The following SACM1L variants were observed in gnomAD, a reference collection of about 807,000 sequenced individuals.
SACM1L encodes the protein SAC1 like phosphatidylinositide phosphatase.
Under a neutral mutation model 89.5 loss-of-function variants are expected in SACM1L, and 32 were observed. The ratio of observed to expected loss-of-function variants is 0.36; its 90% confidence interval spans 0.27 to 0.48. The LOEUF is 0.48. Among genes scored for constraint, SACM1L ranks in the 20% least tolerant of loss-of-function variants. The probability of loss-of-function intolerance (pLI) is 0.99; values close to 1 mark genes in which losing one functional copy is unlikely to be tolerated. For missense variants in SACM1L, 543 were observed against 708.5 expected, an observed-to-expected ratio of 0.77 and a Z score of 2.65; for synonymous variants, 213 against 232.8, an observed-to-expected ratio of 0.92 and a Z score of 0.77.
chr3:45,710,257 G>T (rs1414316525), intron 5 of SACM1L, among the ~76,000 whole-genome samples: 1 of 150,874 alleles, frequency 6.6e-6, no homozygotes, highest in Non-Finnish European at 1.5e-5. Context: ...CTGTAGTGCA[G>T]TGGTGCGATC....
intron 19 of SACM1L, among the ~76,000 whole-genome samples, chr3:45,740,401 C>G (rs1001910062): frequency 6.6e-6 from 1 of 152,206 alleles, no homozygotes. Flanking sequence ...GATTTTGGGG[C>G]CCACAAGGAA....
intron 8 of SACM1L, among the ~76,000 whole-genome samples, chr3:45,720,111 G>T (rs1159697552): frequency 6.6e-6 from 1 of 151,948 alleles, no homozygotes; most frequent in African/African-American, 2.4e-5. Context: ...TCCAACCTTT[G>T]TATTTTTTTT....
Position 45,717,676 on chromosome 3 carries a change from AAAGT to A in SACM1L, c.578-1820_578-1817del, listed in dbSNP as rs577037455. On this transcript the variant is annotated intron_variant, in intron 7 of 19. Coordinates refer to ENST00000389061, the MANE Select transcript of SACM1L (RefSeq NM_014016.5). ...AACCTAAACAAATGTGGAAGGAGAA[AAAGT>A]AAGGCCATTGAAACAATAAAACCTT... Among the ~76,000 whole-genome samples, 630 of 152,374 alleles carry A rather than the reference AAAGT, an allele frequency of 4.1e-3. 3 individuals carry two copies. Among genetic ancestry groups the A allele is most frequent in the African/African-American group, 0.014 (576 of 41,592 alleles).
chr3:45,713,278 C>A, intron 6 of SACM1L, 82 bp downstream of exon 6: 2 of 1,067,184 alleles, frequency 1.9e-6, no homozygotes, highest in Non-Finnish European at 2.8e-6. Flanking sequence ...ACTTCCTAAT[C>A]ACCAAGAATT....
chr3:45,727,107 G>A (rs555948643), intron 11 of SACM1L, among the ~76,000 whole-genome samples: 2 of 23,472 alleles, frequency 8.5e-5, no homozygotes, highest in East Asian at 9.3e-4. Flanking sequence ...GGATGGTCTC[G>A]ATCTCCTGAC....
intron 7 of SACM1L, among the ~76,000 whole-genome samples, chr3:45,718,919 A>G (rs1045619197): frequency 4.4e-4 from 67 of 152,220 alleles, no homozygotes; most frequent in African/African-American, 1.6e-3. Flanking sequence ...TTTTGGGGAG[A>G]TACAGTCTTT....
At chr3:45,743,398 A>G in intron 19 of SACM1L, 135 bp from the exon 20 acceptor site, 1 of 883,692 alleles carries the variant, frequency 1.1e-6, no homozygotes, top group Non-Finnish European at 1.7e-6. Context: ...TTTAAACCTT[A>G]ATTAAGAGGT....
In SACM1L at chr3:45,710,301, A is replaced by G. The variant is rs1031873403; in HGVS notation, c.483+654A>G. Among the ~76,000 whole-genome samples, 6 of 151,846 alleles carry G rather than the reference A, an allele frequency of 4.0e-5. No homozygotes were observed. The South Asian group carries it at 8.3e-4, about 21-fold the overall frequency. ...CTGCAACCTCTGCCTCCTGGGTTCA[A>G]GCAATTCTCATGTCTCAGCCTTGTA... On this transcript the variant is annotated intron_variant, in intron 5 of 19. Transcript: ENST00000389061.
Position 45,731,317 on chromosome 3 carries a change from C to G in SACM1L, c.938C>G (p.Ser313Trp), listed in dbSNP as rs1489201353. The G allele has an allele frequency of 6.2e-7, 1 of 1,612,436 alleles. No homozygotes were observed. Among genetic ancestry groups the G allele is most frequent in the Non-Finnish European group, 8.5e-7 (1 of 1,178,876 alleles). Residue 313 changes from serine to tryptophan, a missense_variant, in exon 12 of 20, where the codon TCG becomes TGG. By Grantham distance (177) the Ser-to-Trp change is radical. Transcript: ENST00000389061. ...TTTTTACAGATTAACCAGAAGGGCT[C>G]GGAGAAGCCACTTGAGCAGACATTT... The part of the protein sequence containing the change: ...VIINLINQKG[S>W]EKPLEQTFAT...
intron 1 of SACM1L, among the ~76,000 whole-genome samples, chr3:45,698,896 G>A (rs147201916): frequency 0.031 from 4,656 of 152,076 alleles, 130 homozygotes; most frequent in Non-Finnish European, 0.037. Flanking sequence ...TCAGCCTCCC[G>A]AGTAGCTGGG....
chr3:45,708,461 ATATAT>A (rs1225677548), intron 4 of SACM1L, among the ~76,000 whole-genome samples: 1 of 152,238 alleles, frequency 6.6e-6, no homozygotes, highest in Non-Finnish European at 1.5e-5. Flanking sequence ...CTAGAAGAAA[ATATAT>A]TATTCTAAAA....
rs188052427 is a variant in SACM1L at position 45,694,497 on chromosome 3, C to T, written c.32+5000C>T. 4.6e-3 allele frequency among the ~76,000 whole-genome samples: 699 copies of T among 152,282 alleles called. 1 individual carries two copies. Among genetic ancestry groups the T allele is most frequent in the Middle Eastern group, 0.01 (3 of 294 alleles). On this transcript the variant is annotated intron_variant, in intron 1 of 19. Coordinates refer to ENST00000389061, the MANE Select transcript of SACM1L (RefSeq NM_014016.5). ...CAGATTATTCTCATGAGTTTTAGCACAGACAATATGGGGTTTGTATCCAAA... is the reference window on the plus strand; with the variant it reads ...CAGATTATTCTCATGAGTTTTAGCATAGACAATATGGGGTTTGTATCCAAA...
At chr3:45,732,194 T>TG in intron 13 of SACM1L, 43 bp downstream of exon 13, 1 of 1,143,024 alleles carries the variant, frequency 8.7e-7, no homozygotes, top group Admixed American at 2.3e-5. Context: ...GGAAGAGGTA[T>TG]ATATATCAGT....
At chr3:45,700,524 A>T (rs918589234) in intron 1 of SACM1L, among the ~76,000 whole-genome samples, 7 of 152,228 alleles carry the variant, frequency 4.6e-5, no homozygotes, top group African/African-American at 1.7e-4. Flanking sequence ...GGGTAAAAAA[A>T]CAATGTTAAA....
intron 16 of SACM1L, 129 bp from the exon 17 acceptor site, chr3:45,738,449 C>G: frequency 5.0e-6 from 3 of 602,838 alleles, no homozygotes; most frequent in Non-Finnish European, 5.9e-6. Flanking sequence ...TGTGAAGTAT[C>G]TGTATTTTCA....
intron 7 of SACM1L, among the ~76,000 whole-genome samples, chr3:45,719,294 AT>A (rs1333718635): frequency 1.1e-4 from 16 of 152,316 alleles, no homozygotes; most frequent in African/African-American, 2.2e-4. Flanking sequence ...CTTCTTAAAC[AT>A]ACTACCTTCG....
chr3:45,700,037 C>T (rs1371918125), intron 1 of SACM1L, among the ~76,000 whole-genome samples: 1 of 151,706 alleles, frequency 6.6e-6, no homozygotes, highest in Non-Finnish European at 1.5e-5. Flanking sequence ...AAAGGTCTTA[C>T]AGGTGAGGAG....
chr3:45,710,702 C>T (rs1019087458), intron 5 of SACM1L, among the ~76,000 whole-genome samples: 3 of 151,930 alleles, frequency 2.0e-5, no homozygotes, highest in Admixed American at 6.6e-5. Flanking sequence ...AATGTGAAGT[C>T]GCCAGTAATT....
rs202072761 is a variant in SACM1L at position 45,738,741 on chromosome 3, T to C, written c.1477-40T>C. On this transcript the variant is annotated intron_variant, in intron 17 of 19. Coordinates refer to ENST00000389061, the MANE Select transcript of SACM1L (RefSeq NM_014016.5). ...TTTGCATTGTTCATCACTAATGTTA[T>C]CTCACACTGAGTTTACGAATTTCTT... 4 of 1,529,276 alleles carry C rather than the reference T, an allele frequency of 2.6e-6. No individual in the cohort carries two copies. In the African/African-American group the frequency reaches 4.1e-5, roughly 16 times the overall value. 94.7% of individuals were successfully genotyped at this position (1,529,276 alleles called of 1,614,324 possible).
Sources: gnomAD v4.1 joint callset for allele counts (sites outside exome capture counted in the v4.1 genomes callset) on GRCh38, gnomAD v4.1.1 for gene constraint, MANE v1.5 for transcripts, NCBI Gene and HGNC (gene_info 2026-07-23, HGNC 2026-07-21) for gene names.